NTNG1: variants seen among roughly 807,000 people sequenced by gnomAD.
The protein encoded by NTNG1 is netrin G1, also known as netrin-G1.
NTNG1 carries 16 observed loss-of-function variants against 54.0 expected under a neutral mutation model. That is an observed-to-expected ratio of 0.30 (90% CI 0.20 to 0.45). The LOEUF is 0.45. NTNG1 is among the 20% of genes least tolerant of loss of function. NTNG1 has a pLI of 1.00. For missense variants in NTNG1, 530 were observed against 678.7 expected (o/e 0.78, Z 2.43); for synonymous variants, 255 against 263.1 (o/e 0.97, Z 0.30).
chr1:107,408,438 G>A (rs1036906730), intron 5 of NTNG1: 1 of 152,678 alleles, frequency 6.5e-6, no homozygotes, highest in Non-Finnish European at 1.5e-5. Context: ...CCAAGCAATT[G>A]AAGAGAAACC....
At position 107,234,677 on chromosome 1, in the gene NTNG1, T is replaced by C. The variant is rs554578115; in HGVS notation, c.246+85838T>C. 2.7e-4 allele frequency among the ~76,000 whole-genome samples: 41 copies of C among 152,334 alleles called. No individual in the cohort carries two copies. The South Asian group carries it at 8.5e-3, about 32-fold the overall frequency. ...AGAAGCAATATTTGAATTTCTCTTCTTCCCACTCTTAACAACATATTCTAA... is the reference window on the plus strand; with the variant it reads ...AGAAGCAATATTTGAATTTCTCTTCCTCCCACTCTTAACAACATATTCTAA... On this transcript the variant is annotated intron_variant, in intron 2 of 7. Transcript: ENST00000370068.
intron 2 of NTNG1, among the ~76,000 whole-genome samples, chr1:107,176,357 G>T (rs1350397014): frequency 6.6e-6 from 1 of 152,166 alleles, no homozygotes; most frequent in Non-Finnish European, 1.5e-5. Flanking sequence ...GACATGAAGA[G>T]CATACCTTTA....
In NTNG1 at chr1:107,484,151, G is replaced by T. The variant is rs1174590896; in HGVS notation, c.*3311G>T. On this transcript the variant is annotated 3_prime_UTR_variant, in exon 8 of 8. Transcript: ENST00000370068. ...CTGGGCACAGGGAGTGGCAAAGGGT[G>T]CATCTGTGTGGATGGATTAGGCCCT... 6.6e-6 allele frequency among the ~76,000 whole-genome samples: 1 copy of T among 152,204 alleles called. No individual in the cohort carries two copies. Among genetic ancestry groups the T allele is most frequent in the African/African-American group, 2.4e-5 (1 of 41,460 alleles).
At chr1:107,377,929 T>G (rs777982661) in intron 3 of NTNG1, among the ~76,000 whole-genome samples, 1 of 152,176 alleles carries the variant, frequency 6.6e-6, no homozygotes, top group Non-Finnish European at 1.5e-5. Flanking sequence ...ATATATTGCA[T>G]AAAGGAAAAG....
intron 2 of NTNG1, among the ~76,000 whole-genome samples, chr1:107,248,616 C>T (rs575991626): frequency 5.3e-5 from 8 of 152,232 alleles, no homozygotes; most frequent in Admixed American, 2.0e-4. Flanking sequence ...TCTATAATGA[C>T]GATCACAATA....
At chr1:107,428,207 C>G (rs1675019964) in intron 5 of NTNG1, among the ~76,000 whole-genome samples, 1 of 152,014 alleles carries the variant, frequency 6.6e-6, no homozygotes, top group African/African-American at 2.4e-5. Context: ...AATGCTCATT[C>G]CCTCCTATTT....
At chr1:107,175,626 G>A (rs1656590180) in intron 2 of NTNG1, among the ~76,000 whole-genome samples, 2 of 150,638 alleles carry the variant, frequency 1.3e-5, no homozygotes. Flanking sequence ...TTTTTTCTAA[G>A]AAAGGCAAGT....
chr1:107,225,759 A>G (rs2101495369), intron 2 of NTNG1, among the ~76,000 whole-genome samples: 1 of 152,324 alleles, frequency 6.6e-6, no homozygotes, highest in South Asian at 2.1e-4. Flanking sequence ...GTGTCCAGAT[A>G]AAATCAAGAA....
At chr1:107,378,800 G>A (rs1408516030) in intron 3 of NTNG1, among the ~76,000 whole-genome samples, 1 of 152,142 alleles carries the variant, frequency 6.6e-6, no homozygotes, top group African/African-American at 2.4e-5. Context: ...AGTCTGGCGG[G>A]TTGTGGGGCC....
chr1:107,301,710 C>A (rs771135123), intron 2 of NTNG1, among the ~76,000 whole-genome samples: 2 of 152,160 alleles, frequency 1.3e-5, no homozygotes, highest in Non-Finnish European at 2.9e-5. Flanking sequence ...CATCCCAGTT[C>A]TTTTCCAAAT....
At chr1:107,353,491 T>A (rs1669752867) in intron 3 of NTNG1, among the ~76,000 whole-genome samples, 1 of 152,172 alleles carries the variant, frequency 6.6e-6, no homozygotes, top group African/African-American at 2.4e-5. Flanking sequence ...CTCCTCAGCC[T>A]AGACTTCATT....
intron 5 of NTNG1, among the ~76,000 whole-genome samples, chr1:107,424,366 A>G (rs567741181): frequency 6.6e-6 from 1 of 152,240 alleles, no homozygotes; most frequent in African/African-American, 2.4e-5. Flanking sequence ...GCCCCCAGGG[A>G]GGACAGGGGC....
intron 5 of NTNG1, 180 bp downstream of exon 5, chr1:107,407,888 G>T (rs913335185): frequency 6.7e-6 from 5 of 748,752 alleles, no homozygotes; most frequent in African/African-American, 5.1e-5. Context: ...CAGATAAAGT[G>T]ATTATTTGTG....
At chr1:107,197,806 T>C (rs1200985342) in intron 2 of NTNG1, among the ~76,000 whole-genome samples, 1 of 151,984 alleles carries the variant, frequency 6.6e-6, no homozygotes, top group Non-Finnish European at 1.5e-5. Flanking sequence ...ATGGATATAA[T>C]TGATAATCTG....
At chr1:107,284,088 C>A (rs1227127660) in intron 2 of NTNG1, among the ~76,000 whole-genome samples, 2 of 152,102 alleles carry the variant, frequency 1.3e-5, no homozygotes, top group Non-Finnish European at 2.9e-5. Flanking sequence ...ATACTTATCT[C>A]CTTTTTTGAG....
chr1:107,196,963 C>A (rs1332638006), intron 2 of NTNG1, among the ~76,000 whole-genome samples: 1 of 151,622 alleles, frequency 6.6e-6, no homozygotes, highest in Admixed American at 6.6e-5. Context: ...TGCGCACGTG[C>A]ATGCATGTTG....
At chr1:107,155,416 ATCTCTC>A (rs746410118) in intron 2 of NTNG1, among the ~76,000 whole-genome samples, 2 of 151,242 alleles carry the variant, frequency 1.3e-5, no homozygotes, top group African/African-American at 4.9e-5. Context: ...CTCATGTTAA[ATCTCTC>A]TCTCTCTCTA....
At chr1:107,479,349 T>C (rs1216731533) in intron 7 of NTNG1, among the ~76,000 whole-genome samples, 1 of 152,184 alleles carries the variant, frequency 6.6e-6, no homozygotes, top group East Asian at 1.9e-4. Context: ...ACATTCTCTA[T>C]TGAGTTACTA....
At chr1:107,473,765 T>C (rs1275500156) in intron 7 of NTNG1, among the ~76,000 whole-genome samples, 1 of 152,232 alleles carries the variant, frequency 6.6e-6, no homozygotes, top group East Asian at 1.9e-4. Context: ...CTTGTTTATC[T>C]ACCTTGTGGC....
Sources: gnomAD v4.1 joint callset for allele counts (sites outside exome capture counted in the v4.1 genomes callset) on GRCh38, gnomAD v4.1.1 for gene constraint, MANE v1.5 for transcripts, NCBI Gene and HGNC (gene_info 2026-07-23, HGNC 2026-07-21) for gene names.